The following EGFLAM variants were observed in gnomAD, a reference collection of about 807,000 sequenced individuals.
The protein encoded by EGFLAM is EGF like, fibronectin type III and laminin G domains, also known as pikachurin.
A neutral mutation model predicts 113.1 loss-of-function variants in EGFLAM; 79 were observed. The observed-to-expected ratio is 0.70, with a 90% CI of 0.58 to 0.84. The LOEUF (loss-of-function observed/expected upper bound fraction) is 0.84. Ranked by LOEUF, EGFLAM falls within the 40% of genes least tolerant of loss-of-function variation. The pLI is 0.00. For synonymous variants in EGFLAM, 504 were observed against 487.6 expected, an observed-to-expected ratio of 1.03 and a Z score of -0.44; for missense variants, 1,265 against 1,291.6, an observed-to-expected ratio of 0.98 and a Z score of 0.32.
chr5:38,414,771 G>A (rs1741588031), intron 11 of EGFLAM, among the ~76,000 whole-genome samples: 1 of 152,156 alleles, frequency 6.6e-6, no homozygotes, highest in South Asian at 2.1e-4. Flanking sequence ...TTTCATTATA[G>A]AGTCAAAGGG....
rs111531360 is a variant in EGFLAM at position 38,291,011 on chromosome 5, G to A, written c.97+32160G>A. On this transcript the variant is annotated intron_variant, in intron 1 of 21. Coordinates refer to ENST00000322350, the MANE Select transcript of EGFLAM (RefSeq NM_152403.4). ...TGAGGCAGGAGAATGGCGTGAACCC[G>A]GGAGGCGGAGCTTGCAGTGAGCCGA... 522 of 152,352 alleles carry A rather than the reference G, an allele frequency of 3.4e-3. 5 individuals are homozygous for A. The highest frequency in any genetic ancestry group is 4.3e-3 in the Non-Finnish European group (292 of 68,106). 9.4% of individuals were successfully genotyped at this position (152,352 alleles called of 1,614,324 possible). A position where few individuals can be genotyped will look rare whatever the true frequency, so the allele number is the denominator to read the frequency against.
intron 5 of EGFLAM, among the ~76,000 whole-genome samples, chr5:38,370,013 A>C (rs1345569619): frequency 6.6e-6 from 1 of 152,158 alleles, no homozygotes; most frequent in African/African-American, 2.4e-5. Flanking sequence ...TTCCTATGTG[A>C]AGATCTTTTC....
At chr5:38,434,764 A>G (rs148474528) in intron 15 of EGFLAM, among the ~76,000 whole-genome samples, 14 of 152,322 alleles carry the variant, frequency 9.2e-5, no homozygotes, top group African/African-American at 3.4e-4. Flanking sequence ...TTTATTGGCT[A>G]TAAGAAGTCA....
chr5:38,429,018 G>C (rs1461156200), intron 14 of EGFLAM, among the ~76,000 whole-genome samples: 1 of 152,130 alleles, frequency 6.6e-6, no homozygotes, highest in African/African-American at 2.4e-5. Context: ...TGTTTATTTT[G>C]AAAACCATTT....
chr5:38,346,123 A>C (rs532812100), intron 3 of EGFLAM, among the ~76,000 whole-genome samples: 1 of 152,286 alleles, frequency 6.6e-6, no homozygotes, highest in African/African-American at 2.4e-5. Context: ...AATGCACCCA[A>C]GCTGAAGGTA....
intron 1 of EGFLAM, among the ~76,000 whole-genome samples, chr5:38,299,180 C>T (rs1219408813): frequency 6.6e-6 from 1 of 152,164 alleles, no homozygotes; most frequent in Non-Finnish European, 1.5e-5. Flanking sequence ...ATGTGCTGCC[C>T]CTCGGCTATG....
chr5:38,418,760 C>A (rs1053165742), intron 12 of EGFLAM, among the ~76,000 whole-genome samples: 1 of 152,162 alleles, frequency 6.6e-6, no homozygotes, highest in Non-Finnish European at 1.5e-5. Flanking sequence ...TTATCATGCC[C>A]ATTTTACAGA....
At position 38,260,880 on chromosome 5, in the gene EGFLAM, A is replaced by G. The variant is rs148534067; in HGVS notation, c.97+2029A>G. Among the ~76,000 whole-genome samples, 856 of 152,306 alleles carry G rather than the reference A, an allele frequency of 5.6e-3. 1 individual carries two copies. The highest frequency in any genetic ancestry group is 9.7e-3 in the Non-Finnish European group (661 of 68,020). On this transcript the variant is annotated intron_variant, in intron 1 of 21. Coordinates refer to ENST00000322350, the MANE Select transcript of EGFLAM (RefSeq NM_152403.4). ...ATGTGCCCTGCTTGGCTCTGATGTG[A>G]GCAGCAACTAGCTAATTTATAATCT...
intron 1 of EGFLAM, among the ~76,000 whole-genome samples, chr5:38,281,745 CT>C (rs1039797247): frequency 3.3e-5 from 5 of 152,154 alleles, no homozygotes; most frequent in Non-Finnish European, 7.3e-5. Context: ...GATTTACCAC[CT>C]TCTCCCAATA....
chr5:38,361,821 G>A (rs1490958089), intron 5 of EGFLAM, among the ~76,000 whole-genome samples: 13 of 152,214 alleles, frequency 8.5e-5, no homozygotes, highest in South Asian at 6.2e-4. Context: ...TGTAAAATAC[G>A]GATGGTAATA....
chr5:38,283,705 T>A (rs1160846845), intron 1 of EGFLAM, among the ~76,000 whole-genome samples: 1 of 152,200 alleles, frequency 6.6e-6, no homozygotes, highest in Non-Finnish European at 1.5e-5. Flanking sequence ...CTCTGCTAGA[T>A]CCACCACCTC....
At chr5:38,359,433 C>T (rs879783051) in intron 5 of EGFLAM, among the ~76,000 whole-genome samples, 5 of 152,270 alleles carry the variant, frequency 3.3e-5, no homozygotes, top group African/African-American at 9.6e-5. Context: ...TCCTAGTAAT[C>T]CCAGTCCCAA....
At chr5:38,312,491 C>G (rs535909666) in intron 1 of EGFLAM, among the ~76,000 whole-genome samples, 1 of 152,116 alleles carries the variant, frequency 6.6e-6, no homozygotes, top group Non-Finnish European at 1.5e-5. Context: ...CCGCCCGCCT[C>G]GGCCTCCCAA....
intron 6 of EGFLAM, among the ~76,000 whole-genome samples, chr5:38,382,808 C>T (rs1740544864): frequency 2.0e-5 from 3 of 152,166 alleles, no homozygotes; most frequent in African/African-American, 7.2e-5. Flanking sequence ...ATATGAGGAG[C>T]CAAGAGGCCT....
Position 38,321,932 on chromosome 5 carries a change from CCTT to C in EGFLAM, c.98-15585_98-15583del, listed in dbSNP as rs535231156. 2.0e-3 allele frequency among the ~76,000 whole-genome samples: 305 copies of C among 152,340 alleles called. 2 individuals carry two copies. The highest frequency in any genetic ancestry group is 7.1e-3 in the African/African-American group (297 of 41,582). ...AATTATTAGACACAATATTTTCTCT[CCTT>C]CTAACCTGACAAATATATAGTACAC... On this transcript the variant is annotated intron_variant, in intron 1 of 21. Coordinates refer to ENST00000322350, the MANE Select transcript of EGFLAM (RefSeq NM_152403.4).
chr5:38,284,430 G>A (rs777987369), intron 1 of EGFLAM, among the ~76,000 whole-genome samples: 3 of 152,182 alleles, frequency 2.0e-5, no homozygotes, highest in Admixed American at 6.5e-5. Context: ...GCAGCCACAG[G>A]CTATATGTGA....
intron 5 of EGFLAM, among the ~76,000 whole-genome samples, chr5:38,370,037 C>G (rs575714937): frequency 1.3e-3 from 192 of 152,158 alleles, no homozygotes; most frequent in Middle Eastern, 0.01. Flanking sequence ...ATAGTGAGGG[C>G]CTTGCAAGGA....
At chr5:38,428,314 C>T (rs1742081361) in intron 14 of EGFLAM, among the ~76,000 whole-genome samples, 1 of 152,164 alleles carries the variant, frequency 6.6e-6, no homozygotes, top group African/African-American at 2.4e-5. Flanking sequence ...ATAGAAAATG[C>T]TCACTGCATT....
intron 12 of EGFLAM, among the ~76,000 whole-genome samples, chr5:38,423,959 G>T (rs1445252354): frequency 1.3e-5 from 2 of 152,182 alleles, no homozygotes; most frequent in Non-Finnish European, 2.9e-5. Flanking sequence ...TCAGGCCAAG[G>T]AGGGCTCCTG....
Sources: gnomAD v4.1 joint callset for allele counts (sites outside exome capture counted in the v4.1 genomes callset) on GRCh38, gnomAD v4.1.1 for gene constraint, MANE v1.5 for transcripts, NCBI Gene and HGNC (gene_info 2026-07-23, HGNC 2026-07-21) for gene names.